LINGO2: variants seen among roughly 807,000 people sequenced by gnomAD.
LINGO2 encodes leucine rich repeat and Ig domain containing 2, also known as leucine-rich repeat and immunoglobulin-like domain-containing nogo receptor-interacting protein 2.
Under a neutral mutation model 30.6 loss-of-function variants are expected in LINGO2, and 14 were observed. The observed-to-expected ratio is 0.46, with a 90% CI of 0.30 to 0.72. The LOEUF is 0.72. Among genes scored for constraint, LINGO2 ranks in the 30% least tolerant of loss-of-function variants. The probability of loss-of-function intolerance (pLI) is 0.07; values close to 1 mark genes in which losing one functional copy is unlikely to be tolerated. For missense variants in LINGO2, 729 were observed against 751.7 expected, an observed-to-expected ratio of 0.97 and a Z score of 0.35; for synonymous variants, 317 against 288.5, an observed-to-expected ratio of 1.10 and a Z score of -1.00.
chr9:28,402,779 T>A (rs1822324588), intron 2 of LINGO2, among the ~76,000 whole-genome samples: 1 of 152,058 alleles, frequency 6.6e-6, no homozygotes, highest in Non-Finnish European at 1.5e-5. Context: ...ATCTTTCCCA[T>A]CACGTTTTTT....
At chr9:28,092,369 A>C (rs1826117650) in intron 4 of LINGO2, among the ~76,000 whole-genome samples, 1 of 152,114 alleles carries the variant, frequency 6.6e-6, no homozygotes. Flanking sequence ...TGCAGCCATA[A>C]AAAATGATGA....
At chr9:28,338,920 T>C (rs1314872405) in intron 3 of LINGO2, among the ~76,000 whole-genome samples, 1 of 151,870 alleles carries the variant, frequency 6.6e-6, no homozygotes, top group Non-Finnish European at 1.5e-5. Flanking sequence ...TCCACTAACA[T>C]ACAAAGCAAA....
chr9:28,759,026 C>T, the LINGO2 span, among the ~76,000 whole-genome samples: 1 of 152,046 alleles, frequency 6.6e-6, no homozygotes, highest in African/African-American at 2.4e-5. Flanking sequence ...TTTAAAGATA[C>T]TGTGGCTTTA....
At chr9:28,880,659 G>A in the LINGO2 span, among the ~76,000 whole-genome samples, 1 of 149,004 alleles carries the variant, frequency 6.7e-6, no homozygotes, top group African/African-American at 2.5e-5. Flanking sequence ...TGTGCTGAGG[G>A]GGACTGGTGA....
chr9:28,989,797 A>T, the LINGO2 span, among the ~76,000 whole-genome samples: 2 of 152,220 alleles, frequency 1.3e-5, no homozygotes, highest in African/African-American at 4.8e-5. Context: ...AGTTTTAGAA[A>T]GTGGAACATA....
At chr9:28,817,074 A>G in the LINGO2 span, among the ~76,000 whole-genome samples, 1 of 152,208 alleles carries the variant, frequency 6.6e-6, no homozygotes, top group Non-Finnish European at 1.5e-5. Flanking sequence ...AAATTTTACA[A>G]GTTTGAGAAT....
the LINGO2 span, among the ~76,000 whole-genome samples, chr9:29,098,590 C>T: frequency 2.8e-4 from 42 of 152,040 alleles, no homozygotes; most frequent in Non-Finnish European, 4.0e-4. Context: ...AACTGGAGAA[C>T]GTACTAGAAG....
chr9:28,267,732 C>T (rs535307347), intron 4 of LINGO2, among the ~76,000 whole-genome samples: 1 of 152,088 alleles, frequency 6.6e-6, no homozygotes, highest in South Asian at 2.1e-4. Context: ...CGCCAAATTT[C>T]TAGAGTAGTT....
intron 3 of LINGO2, among the ~76,000 whole-genome samples, chr9:28,368,485 G>T (rs1014168722): frequency 1.3e-4 from 20 of 151,722 alleles, no homozygotes; most frequent in Admixed American, 7.2e-4. Flanking sequence ...TGTATTAAGG[G>T]TCTCATTTTT....
the LINGO2 span, among the ~76,000 whole-genome samples, chr9:28,706,232 C>A: frequency 6.6e-6 from 1 of 152,030 alleles, no homozygotes; most frequent in Non-Finnish European, 1.5e-5. Context: ...TCAAACAGTG[C>A]ATTTAAAGCA....
the LINGO2 span, among the ~76,000 whole-genome samples, chr9:29,201,518 A>G: frequency 6.6e-6 from 1 of 152,044 alleles, no homozygotes; most frequent in Admixed American, 6.6e-5. Flanking sequence ...TACAATAGTC[A>G]ATTTGTATTG....
chr9:29,125,070 C>T, the LINGO2 span, among the ~76,000 whole-genome samples: 37,089 of 151,980 alleles, frequency 0.24, 4,708 homozygotes, highest in East Asian at 0.44. Flanking sequence ...CCCTGGAATG[C>T]TATGCAGCCA....
intron 3 of LINGO2, among the ~76,000 whole-genome samples, chr9:28,361,267 T>C (rs2381415): frequency 5.3e-5 from 8 of 152,150 alleles, no homozygotes; most frequent in Admixed American, 5.2e-4. Context: ...TAATTAATAT[T>C]TAATTATTAG....
At chr9:28,131,413 T>G (rs1437690715) in intron 4 of LINGO2, among the ~76,000 whole-genome samples, 1 of 152,162 alleles carries the variant, frequency 6.6e-6, no homozygotes, top group Non-Finnish European at 1.5e-5. Context: ...TGCACTTGGC[T>G]TATCACTGGC....
intron 4 of LINGO2, among the ~76,000 whole-genome samples, chr9:28,294,446 C>T (rs1050027332): frequency 1.3e-5 from 2 of 152,028 alleles, no homozygotes; most frequent in African/African-American, 2.4e-5. Context: ...GTTAAAATTT[C>T]GACAGTCTTA....
At chr9:28,473,432 TACAC>T (rs138469916) in intron 2 of LINGO2, among the ~76,000 whole-genome samples, 7 of 150,370 alleles carry the variant, frequency 4.7e-5, no homozygotes, top group Non-Finnish European at 1.5e-5. Flanking sequence ...CACATACACA[TACAC>T]ACACACACAC....
At chr9:28,020,056 G>A (rs1587703763) in intron 4 of LINGO2, among the ~76,000 whole-genome samples, 1 of 152,126 alleles carries the variant, frequency 6.6e-6, no homozygotes. Context: ...GTGATTCATA[G>A]AAATAGCCAA....
At chr9:28,280,599 G>GACAA (rs1823286749) in intron 4 of LINGO2, among the ~76,000 whole-genome samples, 1 of 152,120 alleles carries the variant, frequency 6.6e-6, no homozygotes, top group Non-Finnish European at 1.5e-5. Context: ...CTCTTCCTCA[G>GACAA]TGTAGAAGAT....
At chr9:28,387,957 G>A (rs1370347026) in intron 2 of LINGO2, among the ~76,000 whole-genome samples, 1 of 152,132 alleles carries the variant, frequency 6.6e-6, no homozygotes, top group Non-Finnish European at 1.5e-5. Context: ...CTTCATTCTT[G>A]AAGTCAGCAA....
Sources: allele counts gnomAD v4.1 joint callset (sites outside exome capture counted in the v4.1 genomes callset), GRCh38; gene constraint gnomAD v4.1.1; transcripts MANE v1.5; gene names NCBI Gene and HGNC (gene_info 2026-07-23, HGNC 2026-07-21).